Variants in DYM observed in about 807,000 individuals in gnomAD.
DYM encodes dymeclin, also known as dyggve-Melchior-Clausen syndrome protein.
DYM carries 78 observed loss-of-function variants against 93.1 expected under a neutral mutation model. The observed-to-expected ratio is 0.84, with a 90% CI of 0.70 to 1.01. The LOEUF (loss-of-function observed/expected upper bound fraction) is 1.01, where lower values mean the gene tolerates loss of function less well. DYM is among the 50% of genes least tolerant of loss of function. The pLI is 0.00. For synonymous variants in DYM, 321 were observed against 319.7 expected, an observed-to-expected ratio of 1.00 and a Z score of -0.04; for missense variants, 789 against 845.0, an observed-to-expected ratio of 0.93 and a Z score of 0.82.
chr18:49,328,101 T>G (rs1249815224), intron 8 of DYM, among the ~76,000 whole-genome samples: 2 of 152,176 alleles, frequency 1.3e-5, no homozygotes, highest in Non-Finnish European at 2.9e-5. Context: ...ATTAAAAAAT[T>G]AAAACCAACT....
At chr18:49,452,788 G>A (rs2082638345) in intron 1 of DYM, among the ~76,000 whole-genome samples, 1 of 135,648 alleles carries the variant, frequency 7.4e-6, no homozygotes, top group Non-Finnish European at 1.6e-5. Flanking sequence ...CGGCCCTGGT[G>A]CAGGATCCAC....
chr18:49,438,717 G>A (rs2081069566), intron 1 of DYM, among the ~76,000 whole-genome samples: 1 of 152,154 alleles, frequency 6.6e-6, no homozygotes, highest in South Asian at 2.1e-4. Context: ...CTGGGCACCT[G>A]GAGTATACAG....
intron 17 of DYM, among the ~76,000 whole-genome samples, chr18:49,045,922 C>T (rs1377538711): frequency 6.6e-6 from 1 of 152,136 alleles, no homozygotes; most frequent in African/African-American, 2.4e-5. Flanking sequence ...GCAGTGGCTG[C>T]TCCCATCACA....
At chr18:49,227,325 C>T (rs552576706) in intron 13 of DYM, among the ~76,000 whole-genome samples, 1 of 152,206 alleles carries the variant, frequency 6.6e-6, no homozygotes, top group Non-Finnish European at 1.5e-5. Context: ...TGAAATAAGG[C>T]CAATTCTGCT....
chr18:49,300,677 T>C (rs1322618060), intron 8 of DYM, among the ~76,000 whole-genome samples: 1 of 152,178 alleles, frequency 6.6e-6, no homozygotes, highest in African/African-American at 2.4e-5. Context: ...GAACTTGAGT[T>C]CTACTTGTGA....
At chr18:49,453,513 G>A (rs1230176663) in intron 1 of DYM, among the ~76,000 whole-genome samples, 10 of 152,130 alleles carry the variant, frequency 6.6e-5, no homozygotes, top group East Asian at 5.8e-4. Flanking sequence ...AAGAAACTCC[G>A]AACACATCCG....
At chr18:49,074,548 C>T (rs1335968793) in intron 17 of DYM, among the ~76,000 whole-genome samples, 1 of 152,104 alleles carries the variant, frequency 6.6e-6, no homozygotes, top group Non-Finnish European at 1.5e-5. Context: ...GTGCATGGTA[C>T]TTTTAAATTC....
In DYM at chr18:49,172,399, C is replaced by G. The variant is rs184433344; in HGVS notation, c.1626-8612G>C. Among the ~76,000 whole-genome samples, 50 of 152,062 alleles carry G rather than the reference C, an allele frequency of 3.3e-4. 2 individuals are homozygous for G. Among genetic ancestry groups the G allele is most frequent in the Admixed American group, 2.9e-3 (45 of 15,288 alleles). Reference sequence around the variant, plus strand: ...TGGATTGTATGTTATTTGTTTCACTCTATAAGAAACTGCTAAACCGTTGCA... The same window carrying G: ...TGGATTGTATGTTATTTGTTTCACTGTATAAGAAACTGCTAAACCGTTGCA... On this transcript the variant is annotated intron_variant, in intron 14 of 17. Transcript: ENST00000675505.
chr18:49,206,635 C>T (rs2092523634), intron 14 of DYM: 1 of 152,364 alleles, frequency 6.6e-6, no homozygotes, highest in Non-Finnish European at 1.5e-5. Context: ...TGTCCTGTCC[C>T]AGACTGCAAG....
intron 5 of DYM, among the ~76,000 whole-genome samples, chr18:49,366,172 G>T (rs1430816579): frequency 6.6e-6 from 1 of 152,056 alleles, no homozygotes; most frequent in Non-Finnish European, 1.5e-5. Flanking sequence ...GACAAGATTT[G>T]ACTGCTTACT....
chr18:49,291,456 C>T (rs569029074), intron 8 of DYM, among the ~76,000 whole-genome samples: 1 of 152,236 alleles, frequency 6.6e-6, no homozygotes, highest in South Asian at 2.1e-4. Flanking sequence ...AATGGTTTTA[C>T]TACTAACTTT....
intron 1 of DYM, among the ~76,000 whole-genome samples, chr18:49,442,055 G>A (rs746240038): frequency 6.6e-6 from 1 of 152,088 alleles, no homozygotes; most frequent in African/African-American, 2.4e-5. Context: ...AGGAACCTAG[G>A]GAAAAGATAC....
intron 17 of DYM, among the ~76,000 whole-genome samples, chr18:49,078,714 G>GAAGGGAGGA (rs1055872769): frequency 1.3e-5 from 2 of 152,184 alleles, no homozygotes; most frequent in Non-Finnish European, 2.9e-5. Flanking sequence ...TAAAGAGAAA[G>GAAGGGAGGA]AAGGGAGGAA....
intron 2 of DYM, among the ~76,000 whole-genome samples, chr18:49,414,125 TAG>T (rs1856443920): frequency 6.6e-6 from 1 of 152,042 alleles, no homozygotes; most frequent in African/African-American, 2.4e-5. Context: ...GTCAAATTCA[TAG>T]AGACAGAAAG....
At chr18:49,359,444 A>G (rs2065840012) in intron 6 of DYM, among the ~76,000 whole-genome samples, 1 of 152,230 alleles carries the variant, frequency 6.6e-6, no homozygotes, top group Admixed American at 6.5e-5. Context: ...TCTGAGAAAC[A>G]GTAGCCACTA....
chr18:49,349,548 G>C (rs1381837134), intron 6 of DYM, among the ~76,000 whole-genome samples: 1 of 152,092 alleles, frequency 6.6e-6, no homozygotes, highest in Admixed American at 6.5e-5. Context: ...AATAATCAGA[G>C]AAAAAGAACT....
At chr18:49,139,423 CTAAAT>C (rs2084213440) in intron 15 of DYM, among the ~76,000 whole-genome samples, 1 of 152,096 alleles carries the variant, frequency 6.6e-6, no homozygotes, top group African/African-American at 2.4e-5. Context: ...ATTCCCTCTT[CTAAAT>C]TAATTTTAGA....
At chr18:49,121,256 T>C (rs1204023006) in intron 15 of DYM, among the ~76,000 whole-genome samples, 1 of 152,186 alleles carries the variant, frequency 6.6e-6, no homozygotes, top group Non-Finnish European at 1.5e-5. Flanking sequence ...CAGTGAAGAA[T>C]GCCTTAAATA....
intron 17 of DYM, among the ~76,000 whole-genome samples, chr18:49,046,369 CAG>C (rs1415983728): frequency 6.7e-6 from 1 of 150,016 alleles, no homozygotes; most frequent in African/African-American, 2.5e-5. Context: ...ACAGACAACA[CAG>C]ACATGCACAC....
Sources: gnomAD v4.1 joint callset for allele counts (sites outside exome capture counted in the v4.1 genomes callset) on GRCh38, gnomAD v4.1.1 for gene constraint, MANE v1.5 for transcripts, NCBI Gene and HGNC (gene_info 2026-07-23, HGNC 2026-07-21) for gene names.